WDR7: variants seen among roughly 807,000 people sequenced by gnomAD.
WDR7 encodes the protein WD repeat-containing protein 7.
A neutral mutation model predicts 169.4 loss-of-function variants in WDR7; 46 were observed. That is an observed-to-expected ratio of 0.27 (90% confidence interval 0.21 to 0.35). WDR7 has a LOEUF of 0.35. Ranked by LOEUF, WDR7 falls within the 10% of genes least tolerant of loss-of-function variation. WDR7 has a pLI of 1.00. For synonymous variants in WDR7, 612 were observed against 666.8 expected (o/e 0.92, Z 1.27); for missense variants, 1,534 against 1,859.3 (o/e 0.83, Z 3.22).
downstream of WDR7, chr18:57,034,377 G>T (rs1568036941): frequency 6.6e-6 from 1 of 152,096 alleles, no homozygotes; most frequent in African/African-American, 2.4e-5. Flanking sequence ...CCTTACAGAT[G>T]CTGATCCCGA....
chr18:56,780,581 G>A (rs2044303448), intron 18 of WDR7, among the ~76,000 whole-genome samples: 1 of 152,222 alleles, frequency 6.6e-6, no homozygotes, highest in East Asian at 1.9e-4. Flanking sequence ...CGCTTTGGGA[G>A]GCCCAGGTGG....
In WDR7 at chr18:56,696,480, A is replaced by C. The variant is rs1204041481; in HGVS notation, c.1578+18A>C. The C allele has an allele frequency of 1.3e-6, 2 of 1,590,162 alleles. No homozygotes were observed. The highest frequency in any genetic ancestry group is 1.1e-5 in the South Asian group (1 of 87,306). Reference sequence around the variant, plus strand: ...ACTGTAGTGTAAGTTGATTTATATAAAAGATTATTTCACTATGGTAGAGCC... The same window carrying C: ...ACTGTAGTGTAAGTTGATTTATATACAAGATTATTTCACTATGGTAGAGCC... On this transcript the variant is annotated intron_variant, in intron 12 of 27. Coordinates refer to ENST00000254442, the MANE Select transcript of WDR7 (RefSeq NM_015285.3).
intron 21 of WDR7, among the ~76,000 whole-genome samples, chr18:56,914,135 C>A (rs190272520): frequency 1.3e-5 from 2 of 152,248 alleles, no homozygotes; most frequent in Non-Finnish European, 2.9e-5. Flanking sequence ...TCCGGCCACA[C>A]TGGACGTTTT....
At chr18:56,743,170 C>T (rs11877531) in intron 14 of WDR7, among the ~76,000 whole-genome samples, 1 of 152,062 alleles carries the variant, frequency 6.6e-6, no homozygotes, top group African/African-American at 2.4e-5. Flanking sequence ...CGTGTGATAT[C>T]GAATGTAAAA....
At chr18:56,908,760 G>A (rs1313406452) in intron 21 of WDR7, among the ~76,000 whole-genome samples, 1 of 152,136 alleles carries the variant, frequency 6.6e-6, no homozygotes, top group Non-Finnish European at 1.5e-5. Context: ...CCTACCAGGT[G>A]GACTGCCACC....
chr18:56,964,636 C>T (rs1479711353), intron 26 of WDR7, among the ~76,000 whole-genome samples: 1 of 152,126 alleles, frequency 6.6e-6, no homozygotes, highest in Non-Finnish European at 1.5e-5. Context: ...GATCCGCCCA[C>T]CTCAGCCTCC....
At chr18:56,815,550 CT>C (rs1283927844) in intron 19 of WDR7, among the ~76,000 whole-genome samples, 1 of 152,100 alleles carries the variant, frequency 6.6e-6, no homozygotes, top group African/African-American at 2.4e-5. Flanking sequence ...AGATGTTATA[CT>C]TTTTTTGGGT....
chr18:56,781,990 G>A (rs931377538), intron 19 of WDR7: 1 of 163,334 alleles, frequency 6.1e-6, no homozygotes, highest in African/African-American at 2.4e-5. Flanking sequence ...TGTTCGATAT[G>A]GATCTGATGA....
intron 21 of WDR7, 118 bp from the exon 22 acceptor site, chr18:56,923,804 C>T: frequency 1.0e-6 from 1 of 984,184 alleles, no homozygotes; most frequent in Non-Finnish European, 1.4e-6. Flanking sequence ...TCTTGAGGTT[C>T]AATACCTTTT....
At chr18:56,912,205 A>T (rs1037356076) in intron 21 of WDR7, among the ~76,000 whole-genome samples, 27 of 152,196 alleles carry the variant, frequency 1.8e-4, no homozygotes, top group Non-Finnish European at 2.5e-4. Flanking sequence ...TGATTGGTTG[A>T]TTCCTGGAGG....
chr18:56,971,952 A>G (rs2047494609), intron 26 of WDR7, among the ~76,000 whole-genome samples: 1 of 152,232 alleles, frequency 6.6e-6, no homozygotes, highest in Non-Finnish European at 1.5e-5. Context: ...TTACATGCTA[A>G]ATGAGTAATA....
At chr18:56,751,154 T>G (rs1348440618) in intron 14 of WDR7, among the ~76,000 whole-genome samples, 1 of 152,142 alleles carries the variant, frequency 6.6e-6, no homozygotes, top group Non-Finnish European at 1.5e-5. Flanking sequence ...ATAAGAGGAA[T>G]CACACGAAAT....
At chr18:56,900,080 G>GTATATATATATATATATATATATA (rs772841290) in intron 21 of WDR7, among the ~76,000 whole-genome samples, 1 of 30,208 alleles carries the variant, frequency 3.3e-5, no homozygotes, top group African/African-American at 6.1e-5. Flanking sequence ...GTGTGTGTGT[G>GTATATATATATATATATATATATA]TGTATATATA....
At chr18:56,756,027 AGAG>A (rs2144936931) in intron 14 of WDR7, among the ~76,000 whole-genome samples, 1 of 152,328 alleles carries the variant, frequency 6.6e-6, no homozygotes, top group African/African-American at 2.4e-5. Context: ...TTTGGCTAGA[AGAG>A]GAGAGAAATA....
intron 13 of WDR7, among the ~76,000 whole-genome samples, chr18:56,726,817 T>C (rs1211570663): frequency 6.6e-6 from 1 of 152,168 alleles, no homozygotes; most frequent in Non-Finnish European, 1.5e-5. Flanking sequence ...AATTTGAGGT[T>C]TCCATTCTGG....
At chr18:56,856,648 T>C (rs546487792) in intron 20 of WDR7, among the ~76,000 whole-genome samples, 1 of 151,986 alleles carries the variant, frequency 6.6e-6, no homozygotes, top group Non-Finnish European at 1.5e-5. Flanking sequence ...TAATGTATAT[T>C]TATAGGCTAT....
At chr18:56,828,758 G>A (rs1462697070) in intron 20 of WDR7, among the ~76,000 whole-genome samples, 2 of 152,064 alleles carry the variant, frequency 1.3e-5, no homozygotes, top group African/African-American at 4.8e-5. Flanking sequence ...GTGTACCACA[G>A]CAAAATTCAA....
chr18:56,770,389 A>G (rs2044135793), intron 16 of WDR7, among the ~76,000 whole-genome samples: 1 of 152,186 alleles, frequency 6.6e-6, no homozygotes, highest in Non-Finnish European at 1.5e-5. Context: ...CATATACCAA[A>G]TTCAAGTTAG....
chr18:56,874,073 A>G (rs1384578019), intron 20 of WDR7: 1 of 152,274 alleles, frequency 6.6e-6, no homozygotes, highest in African/African-American at 2.4e-5. Context: ...TCCTGTTTCA[A>G]GAATACTATG....
Sources: gnomAD v4.1 joint callset for allele counts (sites outside exome capture counted in the v4.1 genomes callset) on GRCh38, gnomAD v4.1.1 for gene constraint, MANE v1.5 for transcripts, NCBI Gene and HGNC (gene_info 2026-07-23, HGNC 2026-07-21) for gene names.